The following ARHGAP23 variants were observed in gnomAD, a reference collection of about 807,000 sequenced individuals.
ARHGAP23 encodes rho GTPase-activating protein 23.
A neutral mutation model predicts 136.3 loss-of-function variants in ARHGAP23; 34 were observed. That is an observed-to-expected ratio of 0.25 (90% CI 0.19 to 0.33). The LOEUF (loss-of-function observed/expected upper bound fraction) is 0.33. Among genes scored for constraint, ARHGAP23 ranks in the 10% least tolerant of loss-of-function variants. The probability of loss-of-function intolerance (pLI) is 1.00; values close to 1 mark genes in which losing one functional copy is unlikely to be tolerated. For synonymous variants in ARHGAP23, 832 were observed against 920.5 expected (o/e 0.90, Z 1.74); for missense variants, 1,808 against 2,139.0 (o/e 0.85, Z 3.05).
intron 1 of ARHGAP23, among the ~76,000 whole-genome samples, chr17:38,443,999 A>C (rs951945064): frequency 2.0e-5 from 3 of 152,080 alleles, no homozygotes; most frequent in Non-Finnish European, 4.4e-5. Flanking sequence ...TGCTGACCTT[A>C]GAGAAGAGTC....
intron 23 of ARHGAP23, among the ~76,000 whole-genome samples, chr17:38,502,542 T>C (rs1319013090): frequency 6.6e-6 from 1 of 152,192 alleles, no homozygotes; most frequent in Non-Finnish European, 1.5e-5. Context: ...TATCTTCTAA[T>C]GAGAGACAGA....
rs780072053 is a variant in ARHGAP23, at chr17:38,477,735, G to A, written c.2275G>A (p.Gly759Ser). Residue 759 changes from glycine to serine, a missense_variant, in exon 12 of 24, where the codon GGC becomes AGC. Coordinates refer to ENST00000622683, the MANE Select transcript of ARHGAP23 (RefSeq NM_001199417.2). This position sits in a 1 kb window ranked among gnomAD's most constrained non-coding sequence, Gnocchi z 6.6. ...GEDEAAPVCI[G>S]SCLVDISYSE... is the part of the protein sequence containing the mutation. ...GGACGAGGCGGCGCCCGTCTGCATC[G>A]GCTCCTGCCTCGTGGACATCTCCTA... is the stretch of plus-strand genomic sequence containing the variant. 1.5e-5 allele frequency: 23 copies of A among 1,547,776 alleles called. No individual in the cohort carries two copies. Among genetic ancestry groups the A allele is most frequent in the South Asian group, 1.3e-4 (11 of 84,026 alleles).
At chr17:38,453,071 G>A (rs983759895) in intron 1 of ARHGAP23, among the ~76,000 whole-genome samples, 5 of 152,246 alleles carry the variant, frequency 3.3e-5, no homozygotes, top group Non-Finnish European at 7.3e-5. Flanking sequence ...TGCAGTGTGT[G>A]CGTGGCATCT....
chr17:38,458,784 G>A (rs1317918098), intron 2 of ARHGAP23, among the ~76,000 whole-genome samples: 2 of 152,192 alleles, frequency 1.3e-5, no homozygotes, highest in African/African-American at 4.8e-5. Context: ...GACCCAGGCT[G>A]GGACACAGGA....
At position 38,431,489 on chromosome 17, in the gene ARHGAP23, C is replaced by T. The variant is rs150591854; in HGVS notation, c.63+2941C>T. On this transcript the variant is annotated intron_variant, in intron 1 of 23. Coordinates refer to ENST00000622683, the MANE Select transcript of ARHGAP23 (RefSeq NM_001199417.2). ...CTGTGGGAGCTGGTGCTGCCTTTCC[C>T]CTAGCACCCTCCACCCGCTTCAAAC... Among the ~76,000 whole-genome samples, 94 of 152,242 alleles carry T rather than the reference C, an allele frequency of 6.2e-4. 1 individual carries two copies. The East Asian group carries it at 0.016, about 26-fold the overall frequency.
At chr17:38,440,930 C>T (rs533395467) in intron 1 of ARHGAP23, among the ~76,000 whole-genome samples, 1 of 152,316 alleles carries the variant, frequency 6.6e-6, no homozygotes, top group East Asian at 1.9e-4. Context: ...CAGAGCCTTA[C>T]CACGACCTTT....
chr17:38,478,539 C>T (rs1010596583), intron 12 of ARHGAP23, among the ~76,000 whole-genome samples: 8 of 152,122 alleles, frequency 5.3e-5, no homozygotes, highest in African/African-American at 1.7e-4. Context: ...CTTAGCCTCC[C>T]GAGTAGCTGG....
At chr17:38,479,044 T>G (rs7501938) in intron 12 of ARHGAP23, among the ~76,000 whole-genome samples, 52,948 of 152,130 alleles carry the variant, frequency 0.35, 9,982 homozygotes, top group East Asian at 0.48. Context: ...TGGGGGCCTC[T>G]CTTGGCTGTC....
intron 10 of ARHGAP23, among the ~76,000 whole-genome samples, chr17:38,471,118 A>G (rs1416516116): frequency 6.6e-6 from 1 of 151,646 alleles, no homozygotes; most frequent in Non-Finnish European, 1.5e-5. Context: ...ACACCTGGCT[A>G]ATTTTTGTGT....
chr17:38,464,009 C>T (rs1747225635), intron 6 of ARHGAP23, among the ~76,000 whole-genome samples: 2 of 152,124 alleles, frequency 1.3e-5, no homozygotes. Context: ...ACACGACACA[C>T]TCACCAGCCC....
intron 23 of ARHGAP23, among the ~76,000 whole-genome samples, chr17:38,506,092 T>C (rs2040628850): frequency 1.3e-5 from 2 of 152,238 alleles, no homozygotes; most frequent in African/African-American, 4.8e-5. Flanking sequence ...TTAGCTTGTT[T>C]GGCAGAAGGT....
chr17:38,445,403 G>GGAGGC (rs1197372910), intron 1 of ARHGAP23, among the ~76,000 whole-genome samples: 2 of 151,640 alleles, frequency 1.3e-5, no homozygotes, highest in Non-Finnish European at 2.9e-5. Context: ...CTTGAACCGG[G>GGAGGC]GAGGCAGAGG....
In ARHGAP23 at chr17:38,466,269, GCC is replaced by G; in HGVS notation, c.589_590del (p.Pro197SerfsTer13). 1 of 1,548,250 alleles carries G rather than the reference GCC, an allele frequency of 6.5e-7. No individual in the cohort carries two copies. Among genetic ancestry groups the G allele is most frequent in the Non-Finnish European group, 8.7e-7 (1 of 1,146,554 alleles). Reference sequence around the variant, plus strand: ...GATCTGCTACCCCCGCAAGACCTACGCCCCTCCTGCCCGGGCCTCCACCAGGG... The same window carrying G: ...GATCTGCTACCCCCGCAAGACCTACGCCTCCTGCCCGGGCCTCCACCAGGG... ...PPICYPRKTY[A>X]PPARASTRAT... On this transcript the variant is annotated frameshift_variant, in exon 7 of 24. Coordinates refer to ENST00000622683, the MANE Select transcript of ARHGAP23 (RefSeq NM_001199417.2). LOFTEE classifies it high-confidence loss of function.
At chr17:38,481,580 A>G (rs960913351) in intron 14 of ARHGAP23, among the ~76,000 whole-genome samples, 6 of 152,192 alleles carry the variant, frequency 3.9e-5, no homozygotes, top group African/African-American at 1.2e-4. Flanking sequence ...AGCATAAGCC[A>G]CTGTGCTTGG....
At chr17:38,453,905 C>T (rs2039257904) in intron 1 of ARHGAP23, 1 of 145,560 alleles carries the variant, frequency 6.9e-6, no homozygotes, top group African/African-American at 2.5e-5. Flanking sequence ...GCGCGCGCGT[C>T]TCCGGAAGCC....
At chr17:38,478,415 T>A (rs558611813) in intron 12 of ARHGAP23, among the ~76,000 whole-genome samples, 1 of 62,738 alleles carries the variant, frequency 1.6e-5, no homozygotes, top group East Asian at 4.8e-4. Flanking sequence ...GATTTTGGGA[T>A]AATTTTTTTT....
intron 23 of ARHGAP23, among the ~76,000 whole-genome samples, chr17:38,508,637 C>T (rs1482194612): frequency 6.6e-6 from 1 of 152,006 alleles, no homozygotes; most frequent in Non-Finnish European, 1.5e-5. Context: ...GGCAGGAGGG[C>T]CCAGAGAGGG....
At chr17:38,502,206 T>G (rs527760008) in intron 23 of ARHGAP23, among the ~76,000 whole-genome samples, 28 of 152,280 alleles carry the variant, frequency 1.8e-4, no homozygotes, top group African/African-American at 6.7e-4. Context: ...CTCAGGAGGC[T>G]GAGGCAGGAT....
rs114026350 is a variant in ARHGAP23 at position 38,439,633 on chromosome 17, A to C, written c.63+11085A>C. 3.2e-3 allele frequency among the ~76,000 whole-genome samples: 489 copies of C among 152,346 alleles called. 2 individuals are homozygous for C. The highest frequency in any genetic ancestry group is 0.011 in the African/African-American group (472 of 41,580). On this transcript the variant is annotated intron_variant, in intron 1 of 23. Transcript: ENST00000622683. ...ACACCGTCTCTTTAATCTGCACAAC[A>C]ATCCCATGGGCGATGGATTATCTCT...
Sources: allele counts gnomAD v4.1 joint callset (sites outside exome capture counted in the v4.1 genomes callset), GRCh38; gene constraint gnomAD v4.1.1; non-coding constraint Gnocchi (gnomAD v3.1); transcripts MANE v1.5; gene names NCBI Gene and HGNC (gene_info 2026-07-23, HGNC 2026-07-21).